MAPT: variants seen among roughly 807,000 people sequenced by gnomAD.
MAPT encodes microtubule associated protein tau, also known as microtubule-associated protein tau.
Under a neutral mutation model 67.9 loss-of-function variants are expected in MAPT, and 34 were observed. That is an observed-to-expected ratio of 0.50 (90% CI 0.38 to 0.67). The LOEUF is 0.67. Ranked by LOEUF, MAPT falls within the 30% of genes least tolerant of loss-of-function variation. The pLI, the probability that MAPT is intolerant of heterozygous loss-of-function variation, is 0.00. For missense variants in MAPT, 881 were observed against 1,115.2 expected (o/e 0.79, Z 2.99); for synonymous variants, 456 against 464.5 (o/e 0.98, Z 0.23).
At chr17:45,895,048 CGTGT>C (rs10593245) in intron 1 of MAPT, 5,837 of 133,426 alleles carry the variant, frequency 0.044, 151 homozygotes, top group African/African-American at 0.07. Flanking sequence ...CCGCAATGGG[CGTGT>C]GTGTGTGTGT....
chr17:45,963,643 CT>C (rs2070709551), intron 2 of MAPT, among the ~76,000 whole-genome samples: 1 of 152,130 alleles, frequency 6.6e-6, no homozygotes, highest in Admixed American at 6.6e-5. Flanking sequence ...AAGAAAACAC[CT>C]TGCAGCCCAG....
rs1340738033 is a variant in MAPT at position 45,915,673 on chromosome 17, G to T, written c.-18+20987G>T. On this transcript the variant is annotated intron_variant, in intron 1 of 12. Coordinates refer to ENST00000262410, the MANE Select transcript of MAPT (RefSeq NM_001377265.1). This position sits in a 1 kb window ranked among gnomAD's most constrained non-coding sequence, Gnocchi z 4.4. The stretch of plus-strand genomic sequence containing the variant: ...GTAACTGAACACAGCACTTTAGAGG[G>T]CTCTCCTGGAGTCAGAGGGGGTGGG... Among the ~76,000 whole-genome samples the T allele has an allele frequency of 6.6e-6, 1 of 152,022 alleles. No individual in the cohort carries two copies. The highest frequency in any genetic ancestry group is 2.4e-5 in the African/African-American group (1 of 41,376).
intron 1 of MAPT, among the ~76,000 whole-genome samples, chr17:45,947,587 C>T (rs561875495): frequency 5.3e-5 from 8 of 151,932 alleles, no homozygotes; most frequent in Admixed American, 6.5e-5. Flanking sequence ...AGGGTTTCAC[C>T]ATGTTGGTCA....
At chr17:45,904,376 T>TTTATATATTA (rs1425114083) in intron 1 of MAPT, among the ~76,000 whole-genome samples, 1 of 82,680 alleles carries the variant, frequency 1.2e-5, no homozygotes, top group Non-Finnish European at 2.7e-5. Context: ...TAAATATATT[T>TTTATATATTA]TATATATATT....
At chr17:45,918,011 T>G (rs1189364390) in intron 1 of MAPT, among the ~76,000 whole-genome samples, 2 of 152,146 alleles carry the variant, frequency 1.3e-5, no homozygotes, top group Non-Finnish European at 2.9e-5. Flanking sequence ...TGACCTCAGG[T>G]GATCCACCCG....
intron 1 of MAPT, among the ~76,000 whole-genome samples, chr17:45,958,680 C>T (rs1156796687): frequency 2.0e-5 from 3 of 150,856 alleles, no homozygotes; most frequent in African/African-American, 4.9e-5. Context: ...AAGATCACAC[C>T]GCTGCACTCC....
chr17:45,943,134 A>G (rs947654225), intron 1 of MAPT, among the ~76,000 whole-genome samples: 1 of 152,054 alleles, frequency 6.6e-6, no homozygotes, highest in Non-Finnish European at 1.5e-5. Flanking sequence ...GCTCACTGCA[A>G]CCTCCGCCTC....
In MAPT at chr17:45,996,344, CT is replaced by C; in HGVS notation, c.1733-51del. ...CCACGGGACAGGCAGCCCCCAGGGC[CT>C]TTTCTGACCCCACCCACTCGAGTCC... On this transcript the variant is annotated intron_variant, in intron 8 of 12. Transcript: ENST00000262410. The surrounding 1 kb of genome is among the most constrained non-coding windows in gnomAD (Gnocchi z 4.5). 6.3e-7 allele frequency: 1 copy of C among 1,598,108 alleles called. No individual in the cohort carries two copies. Among genetic ancestry groups the C allele is most frequent in the South Asian group, 1.1e-5 (1 of 90,954 alleles).
At chr17:45,910,220 A>G (rs375177843) in intron 1 of MAPT, among the ~76,000 whole-genome samples, 1 of 152,254 alleles carries the variant, frequency 6.6e-6, no homozygotes, top group African/African-American at 2.4e-5. Context: ...CCACTCCCCA[A>G]ATTACTAACA....
intron 12 of MAPT, among the ~76,000 whole-genome samples, chr17:46,021,882 CCT>C (rs1308223516): frequency 3.3e-5 from 5 of 152,268 alleles, no homozygotes; most frequent in East Asian, 3.9e-4. Context: ...GCATTAGTCC[CCT>C]GTTTTCCCAG....
intron 4 of MAPT, 60 bp from the exon 5 acceptor site, chr17:45,982,806 T>C: frequency 1.1e-6 from 1 of 945,740 alleles, no homozygotes; most frequent in Non-Finnish European, 1.3e-6. Flanking sequence ...TGATGCTCCC[T>C]CTCTTAAGCG....
At chr17:45,950,970 T>C (rs2145115459) in intron 1 of MAPT, among the ~76,000 whole-genome samples, 2 of 152,302 alleles carry the variant, frequency 1.3e-5, no homozygotes, top group African/African-American at 4.8e-5. Flanking sequence ...GCTCCACACT[T>C]TTCACTTATT....
intron 3 of MAPT, chr17:45,977,491 T>G (rs527638443): frequency 2.0e-5 from 3 of 152,370 alleles, no homozygotes. Flanking sequence ...ACTTGCCTTA[T>G]AAACTTTTTT....
chr17:45,991,420 C>G, intron 7 of MAPT, 40 bp from the exon 8 acceptor site: 2 of 1,613,594 alleles, frequency 1.2e-6, no homozygotes, highest in Non-Finnish European at 1.7e-6. Flanking sequence ...AGTAACTTTT[C>G]CCAATGGTGA....
intron 12 of MAPT, among the ~76,000 whole-genome samples, chr17:46,020,458 C>T (rs2076457908): frequency 6.6e-6 from 1 of 152,198 alleles, no homozygotes; most frequent in Non-Finnish European, 1.5e-5. Context: ...GGCTCACTTT[C>T]CAACCTTCAG....
intron 1 of MAPT, among the ~76,000 whole-genome samples, chr17:45,926,214 G>GA (rs55669909): frequency 3.6e-4 from 46 of 129,226 alleles, no homozygotes; most frequent in East Asian, 4.9e-4. Context: ...CTATGTCAAA[G>GA]AAAAAAAAAA....
chr17:45,916,552 A>T (rs1249706280), intron 1 of MAPT, among the ~76,000 whole-genome samples: 15 of 152,086 alleles, frequency 9.9e-5, no homozygotes, highest in Admixed American at 9.8e-4. Context: ...ACTGAGAGGG[A>T]AGAGAAAGGA....
intron 1 of MAPT, among the ~76,000 whole-genome samples, chr17:45,908,614 G>C (rs998757813): frequency 5.3e-5 from 8 of 152,188 alleles, no homozygotes; most frequent in African/African-American, 1.9e-4. Context: ...GGAAAAGGGG[G>C]AGTGATGGGG....
chr17:45,966,703 T>A (rs1410429930), intron 2 of MAPT, among the ~76,000 whole-genome samples: 1 of 152,214 alleles, frequency 6.6e-6, no homozygotes, highest in East Asian at 1.9e-4. Context: ...AAGTTAGTGT[T>A]TGAGTTGCCT....
Sources: allele counts gnomAD v4.1 joint callset (sites outside exome capture counted in the v4.1 genomes callset), GRCh38; gene constraint gnomAD v4.1.1; non-coding constraint Gnocchi (gnomAD v3.1); transcripts MANE v1.5; gene names NCBI Gene and HGNC (gene_info 2026-07-23, HGNC 2026-07-21).